The following UNC5B variants were observed in gnomAD, a reference collection of about 807,000 sequenced individuals.
UNC5B encodes netrin receptor UNC5B.
UNC5B carries 56 observed loss-of-function variants against 103.7 expected under a neutral mutation model. The observed-to-expected ratio is 0.54, with a 90% CI of 0.44 to 0.67. The LOEUF (loss-of-function observed/expected upper bound fraction) is 0.67. Ranked by LOEUF, UNC5B falls within the 30% of genes least tolerant of loss-of-function variation. The pLI is 0.00. For missense variants in UNC5B, 1,194 were observed against 1,284.5 expected, an observed-to-expected ratio of 0.93 and a Z score of 1.08; for synonymous variants, 577 against 542.0, an observed-to-expected ratio of 1.06 and a Z score of -0.90.
intron 1 of UNC5B, among the ~76,000 whole-genome samples, chr10:71,253,367 C>T (rs1391056616): frequency 6.6e-6 from 1 of 152,234 alleles, no homozygotes; most frequent in African/African-American, 2.4e-5. Context: ...TCCTTCCCTT[C>T]CCCCGACACC....
chr10:71,219,041 T>TC (rs1816975571), intron 1 of UNC5B, among the ~76,000 whole-genome samples: 1 of 152,138 alleles, frequency 6.6e-6, no homozygotes, highest in Admixed American at 6.5e-5. Flanking sequence ...TTCCATCACT[T>TC]CAACTCTAGG....
chr10:71,242,308 T>C (rs1005960335), intron 1 of UNC5B, among the ~76,000 whole-genome samples: 1 of 152,210 alleles, frequency 6.6e-6, no homozygotes, highest in African/African-American at 2.4e-5. Flanking sequence ...AGGCCCACAG[T>C]GCCCAAAACG....
intron 1 of UNC5B, among the ~76,000 whole-genome samples, chr10:71,220,946 A>T (rs961920693): frequency 2.6e-5 from 4 of 152,082 alleles, no homozygotes; most frequent in African/African-American, 9.7e-5. Context: ...TTCCCTTCCC[A>T]TCTGTAAGTC....
At chr10:71,269,377 T>C (rs572031808) in intron 1 of UNC5B, among the ~76,000 whole-genome samples, 113 of 130,140 alleles carry the variant, frequency 8.7e-4, no homozygotes, top group African/African-American at 3.0e-3. Context: ...CCTGGGAGTC[T>C]GGTGCACAGT....
At chr10:71,298,941 C>A (rs1845516270) in intron 16 of UNC5B, among the ~76,000 whole-genome samples, 171 bp from the exon 17 acceptor site, 1 of 152,054 alleles carries the variant, frequency 6.6e-6, no homozygotes, top group Non-Finnish European at 1.5e-5. Flanking sequence ...GCCATAGGTT[C>A]TGAATTGCCG....
intron 1 of UNC5B, among the ~76,000 whole-genome samples, chr10:71,263,479 C>T (rs1287576045): frequency 6.6e-6 from 1 of 152,188 alleles, no homozygotes; most frequent in African/African-American, 2.4e-5. Flanking sequence ...GACATCCCAT[C>T]CCCTTCTCTG....
intron 13 of UNC5B, among the ~76,000 whole-genome samples, chr10:71,294,312 G>A (rs1468892509): frequency 2.0e-5 from 3 of 152,200 alleles, no homozygotes; most frequent in African/African-American, 4.8e-5. Flanking sequence ...TTTCATAAGC[G>A]TTTCAGCATG....
chr10:71,214,989 A>C (rs973224793), intron 1 of UNC5B, among the ~76,000 whole-genome samples: 3 of 152,194 alleles, frequency 2.0e-5, no homozygotes, highest in Admixed American at 2.0e-4. Context: ...CCTGCCCACC[A>C]GCCTGGAGAG....
chr10:71,285,410 AG>A lies in UNC5B; in HGVS notation c.538del (p.Val180CysfsTer66). The A allele has an allele frequency of 6.2e-7, 1 of 1,603,618 alleles. No individual in the cohort carries two copies. The highest frequency in any genetic ancestry group is 8.5e-7 in the Non-Finnish European group (1 of 1,176,334). ...GTTCTCCTGCAGTGCCGCCCGCCGG[AG>A]GGGGTGCCTGTGGCCGAGGTGAGCG... ...HEVLLQCRPP[E>X]GVPVAEVEWL... On this transcript the variant is annotated frameshift_variant, in exon 4 of 17. Coordinates refer to ENST00000335350, the MANE Select transcript of UNC5B (RefSeq NM_170744.5). LOFTEE classifies it high-confidence loss of function.
intron 1 of UNC5B, among the ~76,000 whole-genome samples, chr10:71,254,006 CCA>C (rs917004398): frequency 1.1e-4 from 17 of 152,252 alleles, no homozygotes; most frequent in African/African-American, 4.1e-4. Context: ...AACCAGCAGT[CCA>C]GTTTCCCAAC....
intron 1 of UNC5B, among the ~76,000 whole-genome samples, chr10:71,243,938 G>A (rs990256329): frequency 3.3e-5 from 5 of 152,220 alleles, no homozygotes; most frequent in African/African-American, 7.2e-5. Flanking sequence ...TGAGTACACC[G>A]AGGCCCAGAG....
rs1334062204 is a variant in UNC5B at position 71,285,393 on chromosome 10, G to A, written c.516G>A (p.Leu172=). The A allele has an allele frequency of 6.2e-7, 1 of 1,608,668 alleles. No homozygotes were observed. Among genetic ancestry groups the A allele is most frequent in the East Asian group, 2.2e-5 (1 of 44,692 alleles). The stretch of plus-strand genomic sequence containing the variant: ...TGCCCCTGGACCATGAGGTTCTCCT[G>A]CAGTGCCGCCCGCCGGAGGGGGTGC... ...KEVPLDHEVL[L]QCRPPEGVPV... Residue 172 remains leucine (L), a synonymous_variant, in exon 4 of 17, where the codon CTG becomes CTA. Coordinates refer to ENST00000335350, the MANE Select transcript of UNC5B (RefSeq NM_170744.5).
intron 8 of UNC5B, among the ~76,000 whole-genome samples, chr10:71,289,732 G>A (rs1411992016): frequency 6.6e-6 from 1 of 152,244 alleles, no homozygotes; most frequent in Non-Finnish European, 1.5e-5. Context: ...GAGCCAAGCT[G>A]GGGGAACCAT....
intron 1 of UNC5B, among the ~76,000 whole-genome samples, chr10:71,235,865 A>G (rs1227127976): frequency 6.6e-6 from 1 of 152,238 alleles, no homozygotes; most frequent in Non-Finnish European, 1.5e-5. Context: ...ATCTATAGAC[A>G]GAGGGACCCA....
chr10:71,299,565 T>TG lies in UNC5B; in HGVS notation c.*293dup. 3.2e-6 allele frequency: 1 copy of TG among 308,272 alleles called. No homozygotes were observed. The highest frequency in any genetic ancestry group is 6.0e-6 in the Non-Finnish European group (1 of 166,902). 19.1% of individuals were successfully genotyped at this position (308,272 alleles called of 1,614,324 possible). On this transcript the variant is annotated 3_prime_UTR_variant, in exon 17 of 17. Coordinates refer to ENST00000335350, the MANE Select transcript of UNC5B (RefSeq NM_170744.5). ...GCTGAAGCCTCTGGAGGCAGTTGGTTGGGGGCGGGCAGGCAGGAGGCCCTC... is the reference window on the plus strand; with the variant it reads ...GCTGAAGCCTCTGGAGGCAGTTGGTTGGGGGGCGGGCAGGCAGGAGGCCCTC...
chr10:71,283,088 C>A (rs1209168722), intron 2 of UNC5B, among the ~76,000 whole-genome samples: 2 of 151,778 alleles, frequency 1.3e-5, no homozygotes, highest in Admixed American at 6.6e-5. Flanking sequence ...CCGCTGCACT[C>A]CAGCCTGGGC....
At chr10:71,227,094 C>T (rs1419403041) in intron 1 of UNC5B, among the ~76,000 whole-genome samples, 1 of 151,948 alleles carries the variant, frequency 6.6e-6, no homozygotes, top group Non-Finnish European at 1.5e-5. Flanking sequence ...AAGCAATTCT[C>T]CTGCCTCAGC....
intron 1 of UNC5B, among the ~76,000 whole-genome samples, chr10:71,248,344 C>T (rs1403392754): frequency 2.0e-5 from 3 of 152,134 alleles, no homozygotes; most frequent in Non-Finnish European, 4.4e-5. Context: ...GGAGGCAATA[C>T]ACACAGCGCC....
chr10:71,270,886 G>A (rs112791765), intron 1 of UNC5B, among the ~76,000 whole-genome samples: 7 of 152,308 alleles, frequency 4.6e-5, no homozygotes, highest in African/African-American at 9.6e-5. Context: ...ATTGCCTTAG[G>A]GGGACAGCAG....
Sources: gnomAD v4.1 joint callset for allele counts (sites outside exome capture counted in the v4.1 genomes callset) on GRCh38, gnomAD v4.1.1 for gene constraint, MANE v1.5 for transcripts, NCBI Gene and HGNC (gene_info 2026-07-23, HGNC 2026-07-21) for gene names.